Variants in SCNN1B observed in about 807,000 individuals in gnomAD.
The protein encoded by SCNN1B is sodium channel epithelial 1 subunit beta.
In SCNN1B, 46 loss-of-function variants were observed where a neutral mutation model predicts 65.3. That is an observed-to-expected ratio of 0.70 (90% CI 0.56 to 0.90). The LOEUF is 0.90. Among genes scored for constraint, SCNN1B ranks in the 40% least tolerant of loss-of-function variants. The probability of loss-of-function intolerance (pLI) is 0.00; values close to 1 mark genes in which losing one functional copy is unlikely to be tolerated. For synonymous variants in SCNN1B, 349 were observed against 330.6 expected (o/e 1.06, Z -0.60); for missense variants, 751 against 830.5 (o/e 0.90, Z 1.18).
At chr16:23,318,905 C>T (rs767717944) in intron 1 of SCNN1B, among the ~76,000 whole-genome samples, 3 of 152,182 alleles carry the variant, frequency 2.0e-5, no homozygotes, top group African/African-American at 7.2e-5. Flanking sequence ...CTTGATTGGG[C>T]CTTGTCAACA....
intron 1 of SCNN1B, among the ~76,000 whole-genome samples, chr16:23,317,314 G>A (rs1489095278): frequency 6.6e-6 from 1 of 152,198 alleles, no homozygotes; most frequent in Admixed American, 6.5e-5. Flanking sequence ...CTGCAAAGGC[G>A]GCAGCAGTTA....
At chr16:23,321,506 G>T (rs890552939) in intron 1 of SCNN1B, among the ~76,000 whole-genome samples, 1 of 152,180 alleles carries the variant, frequency 6.6e-6, no homozygotes, top group African/African-American at 2.4e-5. Context: ...ACAGAGCCTG[G>T]ACCCTGGGAA....
chr16:23,352,885 C>A lies in SCNN1B; in HGVS notation c.396C>A (p.Ser132Arg). ...VLERILAPEL[S>R]HANATRNLNF... ...AGAGAATCCTGGCTCCTGAGCTAAGCCATGCCAATGCCACCAGGAACCTGA... is the reference window on the plus strand; with the variant it reads ...AGAGAATCCTGGCTCCTGAGCTAAGACATGCCAATGCCACCAGGAACCTGA... Residue 132 changes from serine (S) to arginine (R), a missense_variant, in exon 3 of 13, where the codon AGC (serine) becomes AGA (arginine). Transcript: ENST00000343070. The A allele has an allele frequency of 6.2e-7, 1 of 1,614,188 alleles. No homozygotes were observed. The highest frequency in any genetic ancestry group is 8.5e-7 in the Non-Finnish European group (1 of 1,180,032).
At chr16:23,317,979 GAACTGTTTTGAGTGCCTCAGCTCC>G (rs1426005281) in intron 1 of SCNN1B, among the ~76,000 whole-genome samples, 2 of 152,212 alleles carry the variant, frequency 1.3e-5, no homozygotes, top group Admixed American at 1.3e-4. Flanking sequence ...AGAAGGTACA[GAACTGTTTTGAGTGCCTCAGCTCC>G]AGCTGCAGCT....
chr16:23,368,988 C>T (rs1016939342), intron 5 of SCNN1B, among the ~76,000 whole-genome samples: 1 of 152,198 alleles, frequency 6.6e-6, no homozygotes, highest in Non-Finnish European at 1.5e-5. Context: ...CTAGACTTCA[C>T]CACTGTATAA....
chr16:23,280,715 G>C (rs1960772435), intron 1 of SCNN1B, among the ~76,000 whole-genome samples: 2 of 152,194 alleles, frequency 1.3e-5, no homozygotes, highest in Admixed American at 1.3e-4. Flanking sequence ...CCACTATGCA[G>C]TCAGTGGCTA....
upstream of SCNN1B, among the ~76,000 whole-genome samples, chr16:23,299,150 C>T (rs541438500): frequency 6.6e-6 from 1 of 151,006 alleles, no homozygotes; most frequent in South Asian, 2.1e-4. Context: ...ACCTCCGCCT[C>T]CCGGGTTCAA....
intron 1 of SCNN1B, among the ~76,000 whole-genome samples, chr16:23,313,269 G>T (rs1961382340): frequency 6.6e-6 from 1 of 151,894 alleles, no homozygotes; most frequent in Non-Finnish European, 1.5e-5. Flanking sequence ...CCCATTCTCT[G>T]GTCCCCTCCC....
chr16:23,355,376 G>A lies in SCNN1B; in HGVS notation c.663G>A (p.Leu221=), dbSNP rs143629145. Residue 221 remains leucine (L), a synonymous_variant, in exon 4 of 13, where the codon CTG becomes CTA. Coordinates refer to ENST00000343070, the MANE Select transcript of SCNN1B (RefSeq NM_000336.3). ...ATQALTEWYI[L]QATNIFAQVP... ...AGGCATTGACAGAGTGGTACATCCT[G>A]CAGGCCACCAACATCTTTGCACAGG... 69 of 1,614,050 alleles carry A rather than the reference G, an allele frequency of 4.3e-5. No homozygotes were observed. Among genetic ancestry groups the A allele is most frequent in the Non-Finnish European group, 5.7e-5 (67 of 1,180,032 alleles).
chr16:23,350,813 T>A (rs1046414826), intron 2 of SCNN1B, among the ~76,000 whole-genome samples: 2 of 152,232 alleles, frequency 1.3e-5, no homozygotes, highest in African/African-American at 4.8e-5. Flanking sequence ...CTCAGGAGGC[T>A]GAGGCAGGAA....
chr16:23,310,360 G>A (rs1253570934), intron 1 of SCNN1B, among the ~76,000 whole-genome samples: 1 of 148,952 alleles, frequency 6.7e-6, no homozygotes, highest in Non-Finnish European at 1.5e-5. Context: ...ATTTGCCACT[G>A]TTATGACCAA....
chr16:23,280,006 C>T (rs1960761866), intron 1 of SCNN1B, among the ~76,000 whole-genome samples: 1 of 152,138 alleles, frequency 6.6e-6, no homozygotes, highest in South Asian at 2.1e-4. Flanking sequence ...CTAGCACCAC[C>T]GAAATTTTGC....
chr16:23,354,184 A>G (rs1291228551), intron 3 of SCNN1B, among the ~76,000 whole-genome samples: 1 of 152,150 alleles, frequency 6.6e-6, no homozygotes, highest in African/African-American at 2.4e-5. Flanking sequence ...CTGGGCCTCA[A>G]TTTCCTCATG....
chr16:23,281,315 C>A (rs1434411045), intron 1 of SCNN1B, among the ~76,000 whole-genome samples: 1 of 152,130 alleles, frequency 6.6e-6, no homozygotes, highest in African/African-American at 2.4e-5. Flanking sequence ...CACCTGTAAT[C>A]CCAGCTATTC....
Position 23,381,276 on chromosome 16 carries a change from T to C in SCNN1B, c.*475T>C, listed in dbSNP as rs1158423862. The C allele has an allele frequency of 5.7e-6, 1 of 176,472 alleles. No individual in the cohort carries two copies. Among genetic ancestry groups the C allele is most frequent in the African/African-American group, 2.4e-5 (1 of 41,960 alleles). The allele number at this position is 176,472 out of a possible 1,614,324, so 10.9% of individuals were successfully genotyped here. ...GTGGCACCTGATTTACTCTAGAAAA[T>C]AAAAGTAGAAAATACTGAGTCCAGC... On this transcript the variant is annotated 3_prime_UTR_variant, in exon 13 of 13. Coordinates refer to ENST00000343070, the MANE Select transcript of SCNN1B (RefSeq NM_000336.3).
intron 2 of SCNN1B, among the ~76,000 whole-genome samples, chr16:23,286,720 A>G (rs1264434285): frequency 6.6e-6 from 1 of 152,204 alleles, no homozygotes; most frequent in East Asian, 1.9e-4. Flanking sequence ...AGTTGCTTCA[A>G]CAGCTCAATG....
chr16:23,349,720 C>G (rs1962268304), intron 2 of SCNN1B, among the ~76,000 whole-genome samples: 1 of 152,146 alleles, frequency 6.6e-6, no homozygotes, highest in Non-Finnish European at 1.5e-5. Flanking sequence ...GAGTCCCTGT[C>G]CTCTTCACAG....
At position 23,378,639 on chromosome 16, in the gene SCNN1B, G is replaced by A. The variant is rs529270246; in HGVS notation, c.1405-67G>A. 47 of 1,461,736 alleles carry A rather than the reference G, an allele frequency of 3.2e-5. No homozygotes were observed. The South Asian group carries it at 4.7e-4, about 15-fold the overall frequency. The allele number at this position is 1,461,736 out of a possible 1,614,324, so 90.5% of individuals were successfully genotyped here. ...AGGGCTGTGGTCTACCTCCCCCAGG[G>A]AACAGAGCCATGACTGGGAGGGATG... On this transcript the variant is annotated intron_variant, in intron 10 of 12. Coordinates refer to ENST00000343070, the MANE Select transcript of SCNN1B (RefSeq NM_000336.3).
intron 4 of SCNN1B, chr16:23,358,177 A>G (rs1962459391): frequency 6.6e-6 from 1 of 152,146 alleles, no homozygotes; most frequent in Admixed American, 6.5e-5. Flanking sequence ...AGCACCCTCC[A>G]AAAGGAGCCC....
Sources: gnomAD v4.1 joint callset for allele counts (sites outside exome capture counted in the v4.1 genomes callset) on GRCh38, gnomAD v4.1.1 for gene constraint, MANE v1.5 for transcripts, NCBI Gene and HGNC (gene_info 2026-07-23, HGNC 2026-07-21) for gene names.